The following PALM2AKAP2 variants were observed in gnomAD, a reference collection of about 807,000 sequenced individuals.
The protein encoded by PALM2AKAP2 is PALM2 and AKAP2 fusion.
In PALM2AKAP2, 37 loss-of-function variants were observed where a neutral mutation model predicts 71.5. The ratio of observed to expected loss-of-function variants is 0.52; its 90% CI spans 0.40 to 0.68. PALM2AKAP2 has a LOEUF of 0.68. Ranked by LOEUF, PALM2AKAP2 falls within the 30% of genes least tolerant of loss-of-function variation. The probability of loss-of-function intolerance (pLI) is 0.00; values close to 1 mark genes in which losing one functional copy is unlikely to be tolerated. For synonymous variants in PALM2AKAP2, 468 were observed against 478.8 expected (o/e 0.98, Z 0.29); for missense variants, 1,224 against 1,191.8 (o/e 1.03, Z -0.40).
exon 4 of PALM2AKAP2, chr9:110,170,646 C>T (rs941576977): frequency 2.0e-5 from 3 of 152,186 alleles, no homozygotes; most frequent in African/African-American, 7.2e-5. Context: ...AATGTGCTAG[C>T]CACTGGGGAC....
intron 1 of PALM2AKAP2, among the ~76,000 whole-genome samples, chr9:110,052,071 T>A (rs1362216885): frequency 1.3e-5 from 2 of 152,054 alleles, no homozygotes; most frequent in Non-Finnish European, 2.9e-5. Flanking sequence ...CCCAGCTAAT[T>A]TTTTGTATTT....
chr9:110,062,552 C>T (rs897156698), intron 1 of PALM2AKAP2, among the ~76,000 whole-genome samples: 3 of 151,988 alleles, frequency 2.0e-5, no homozygotes, highest in African/African-American at 7.3e-5. Flanking sequence ...AAAATGTACC[C>T]CATTATTTTT....
chr9:109,810,231 G>A (rs918173440), intron 1 of PALM2AKAP2, among the ~76,000 whole-genome samples: 1 of 152,106 alleles, frequency 6.6e-6, no homozygotes, highest in Non-Finnish European at 1.5e-5. Flanking sequence ...ATGTTTAGAT[G>A]GTACTTCAAG....
intron 3 of PALM2AKAP2, among the ~76,000 whole-genome samples, chr9:109,882,136 G>T (rs1320005454): frequency 6.6e-6 from 1 of 152,056 alleles, no homozygotes; most frequent in East Asian, 1.9e-4. Context: ...ACCCGCCTTG[G>T]CCTCCCAAAG....
At chr9:109,903,098 G>A (rs996252405) in intron 3 of PALM2AKAP2, among the ~76,000 whole-genome samples, 3 of 152,106 alleles carry the variant, frequency 2.0e-5, no homozygotes, top group Admixed American at 6.5e-5. Flanking sequence ...CCAGATGCAC[G>A]GGTGAAAGAG....
intron 1 of PALM2AKAP2, among the ~76,000 whole-genome samples, chr9:109,834,139 G>A (rs570177085): frequency 7.5e-4 from 114 of 152,348 alleles, no homozygotes; most frequent in Non-Finnish European, 1.2e-3. Flanking sequence ...CTTGAACCTG[G>A]GAGGTGGATG....
chr9:110,058,982 C>T (rs929550556), intron 1 of PALM2AKAP2, among the ~76,000 whole-genome samples: 1 of 146,802 alleles, frequency 6.8e-6, no homozygotes, highest in Non-Finnish European at 1.5e-5. Context: ...TCACTGCAAC[C>T]TCCGCCCCCT....
chr9:109,840,806 A>C (rs1828640412), intron 1 of PALM2AKAP2, among the ~76,000 whole-genome samples: 1 of 152,246 alleles, frequency 6.6e-6, no homozygotes. Flanking sequence ...TGCAGATCAA[A>C]ACCACAATGA....
chr9:109,691,041 G>A (rs1827875752), intron 1 of PALM2AKAP2, among the ~76,000 whole-genome samples: 2 of 152,134 alleles, frequency 1.3e-5, no homozygotes, highest in Admixed American at 1.3e-4. Flanking sequence ...AGTTGAAGGG[G>A]CAGTGGAAGA....
intron 1 of PALM2AKAP2, among the ~76,000 whole-genome samples, chr9:109,861,722 A>G (rs1829315781): frequency 6.6e-6 from 1 of 152,188 alleles, no homozygotes; most frequent in Admixed American, 6.5e-5. Context: ...ATTCTTTCCC[A>G]GAATTAGCCT....
intron 3 of PALM2AKAP2, among the ~76,000 whole-genome samples, chr9:109,906,463 T>G (rs1830448391): frequency 6.6e-6 from 1 of 152,210 alleles, no homozygotes; most frequent in South Asian, 2.1e-4. Context: ...CCTCCCAAAG[T>G]GCTGAGATTA....
intron 1 of PALM2AKAP2, among the ~76,000 whole-genome samples, chr9:109,706,162 A>G (rs1055585490): frequency 2.0e-5 from 3 of 152,250 alleles, no homozygotes; most frequent in South Asian, 4.1e-4. Flanking sequence ...GCTATGAGAT[A>G]TGTTCAAGAT....
chr9:109,736,634 A>G (rs1429793751), intron 1 of PALM2AKAP2, among the ~76,000 whole-genome samples: 3 of 152,090 alleles, frequency 2.0e-5, no homozygotes, highest in Non-Finnish European at 4.4e-5. Flanking sequence ...AGGGGGTACA[A>G]GTGCAGATTT....
chr9:109,707,744 C>T (rs1253748120), intron 1 of PALM2AKAP2, among the ~76,000 whole-genome samples: 2 of 152,172 alleles, frequency 1.3e-5, no homozygotes, highest in South Asian at 2.1e-4. Context: ...TCCTAAGAAT[C>T]CTGTTTGATA....
upstream of PALM2AKAP2, among the ~76,000 whole-genome samples, chr9:109,776,858 T>C (rs1358089480): frequency 6.6e-6 from 1 of 152,232 alleles, no homozygotes; most frequent in East Asian, 1.9e-4. Context: ...ACACAAGCTT[T>C]TTTTATTGTG....
intron 6 of PALM2AKAP2, among the ~76,000 whole-genome samples, chr9:109,961,304 C>T (rs1343022833): frequency 5.3e-5 from 8 of 152,188 alleles, no homozygotes; most frequent in African/African-American, 1.7e-4. Flanking sequence ...TTCTAGGAAC[C>T]GGTAATGAAG....
At chr9:109,974,167 G>C (rs1832125803) in intron 6 of PALM2AKAP2, among the ~76,000 whole-genome samples, 1 of 152,238 alleles carries the variant, frequency 6.6e-6, no homozygotes, top group Non-Finnish European at 1.5e-5. Flanking sequence ...TGACTGCACA[G>C]AATGTAAGAG....
At position 109,897,747 on chromosome 9, in the gene PALM2AKAP2, A is replaced by T. The variant is rs552824050; in HGVS notation, c.257+17066A>T. Among the ~76,000 whole-genome samples the T allele has an allele frequency of 8.5e-5, 13 of 152,352 alleles. No individual in the cohort carries two copies. The East Asian group carries it at 9.6e-4, about 11-fold the overall frequency. On this transcript the variant is annotated intron_variant, in intron 3 of 9. Coordinates refer to the PALM2AKAP2 transcript ENST00000302798. ...AATTCTGAATTATGCTCCGAATCAT[A>T]TTCACTTCATTCAATATGAAAAGCA...
At chr9:109,836,324 T>G (rs1474586799) in intron 1 of PALM2AKAP2, among the ~76,000 whole-genome samples, 2 of 152,244 alleles carry the variant, frequency 1.3e-5, no homozygotes, top group Non-Finnish European at 2.9e-5. Flanking sequence ...GGGTCCTGAC[T>G]GTTAAAAGGA....
Sources: allele counts gnomAD v4.1 joint callset (sites outside exome capture counted in the v4.1 genomes callset), GRCh38; gene constraint gnomAD v4.1.1; transcripts MANE v1.5; gene names NCBI Gene and HGNC (gene_info 2026-07-23, HGNC 2026-07-21).